The following FAM228B variants were observed in gnomAD, a reference collection of about 807,000 sequenced individuals.
FAM228B encodes the protein family with sequence similarity 228 member B, also known as protein FAM228B.
FAM228B carries 38 observed loss-of-function variants against 42.6 expected under a neutral mutation model. The ratio of observed to expected loss-of-function variants is 0.89; its 90% confidence interval spans 0.69 to 1.17. FAM228B has a LOEUF of 1.17. Among genes scored for constraint, FAM228B ranks in the 50% most tolerant of loss-of-function variants. The pLI is 0.00. For synonymous variants in FAM228B, 109 were observed against 122.3 expected (o/e 0.89, Z 0.72); for missense variants, 344 against 367.3 (o/e 0.94, Z 0.52).
chr2:24,090,492 G>C (rs1156639968), intron 2 of FAM228B, among the ~76,000 whole-genome samples: 1 of 149,674 alleles, frequency 6.7e-6, no homozygotes, highest in Non-Finnish European at 1.5e-5. Context: ...GCTGAGGCAG[G>C]AGGAGGTTGC....
chr2:24,149,883 C>T (rs1050183565), intron 7 of FAM228B, among the ~76,000 whole-genome samples: 7 of 152,056 alleles, frequency 4.6e-5, no homozygotes, highest in Non-Finnish European at 7.4e-5. Context: ...TTTTGATTTG[C>T]GGTTACCATG....
chr2:24,106,296 G>A (rs934240447), intron 3 of FAM228B, among the ~76,000 whole-genome samples: 1 of 151,278 alleles, frequency 6.6e-6, no homozygotes, highest in African/African-American at 2.4e-5. Context: ...AGAAGAGACT[G>A]GTGGCCTATA....
At chr2:24,116,538 G>C (rs975295591) in intron 3 of FAM228B, among the ~76,000 whole-genome samples, 3 of 151,906 alleles carry the variant, frequency 2.0e-5, no homozygotes, top group African/African-American at 7.2e-5. Flanking sequence ...AAGTCACAAC[G>C]TATGCTTAAG....
At chr2:24,130,279 A>G (rs1331177960) in intron 2 of FAM228B, among the ~76,000 whole-genome samples, 1 of 152,202 alleles carries the variant, frequency 6.6e-6, no homozygotes, top group East Asian at 1.9e-4. Context: ...ATACATGTGC[A>G]GATGTCTTTA....
At chr2:24,094,198 A>G (rs1212779773) in intron 2 of FAM228B, among the ~76,000 whole-genome samples, 1 of 151,780 alleles carries the variant, frequency 6.6e-6, no homozygotes, top group Non-Finnish European at 1.5e-5. Flanking sequence ...GAGTAGTCTC[A>G]TGTGCCTGGG....
chr2:24,144,889 G>T (rs931140648), intron 5 of FAM228B, among the ~76,000 whole-genome samples: 3 of 152,108 alleles, frequency 2.0e-5, no homozygotes, highest in Admixed American at 1.3e-4. Context: ...GGATTGCCCT[G>T]CCCCATCCAC....
chr2:24,148,072 T>C (rs1345123706), intron 7 of FAM228B, among the ~76,000 whole-genome samples: 3 of 152,148 alleles, frequency 2.0e-5, no homozygotes, highest in Non-Finnish European at 4.4e-5. Context: ...CTAGTTGGAA[T>C]TGAGTTGGGT....
chr2:24,130,138 T>A (rs2151015396), intron 2 of FAM228B, among the ~76,000 whole-genome samples: 1 of 152,356 alleles, frequency 6.6e-6, no homozygotes, highest in South Asian at 2.1e-4. Flanking sequence ...GCAAAGGACA[T>A]GATCTCATTC....
At chr2:24,114,548 G>A (rs1409673561) in intron 3 of FAM228B, among the ~76,000 whole-genome samples, 1 of 152,132 alleles carries the variant, frequency 6.6e-6, no homozygotes, top group East Asian at 1.9e-4. Context: ...TAACTAAGTA[G>A]TCATTATCGT....
At position 24,098,089 on chromosome 2, in the gene FAM228B, A is replaced by G. The variant is rs1459021160; in HGVS notation, c.-121+2860A>G. Among the ~76,000 whole-genome samples the G allele has an allele frequency of 2.0e-5, 3 of 152,220 alleles. No homozygotes were observed. In the South Asian group the frequency reaches 6.2e-4, roughly 32 times the overall value. On this transcript the variant is annotated intron_variant, in intron 3 of 10. Transcript: ENST00000613899. ...AAAGATGTTCTTTGAAACCAATGAG[A>G]ACAAAGACACAACGTACCAGAATCT...
At chr2:24,089,983 A>AAG (rs1665350015) in intron 2 of FAM228B, among the ~76,000 whole-genome samples, 1 of 149,652 alleles carries the variant, frequency 6.7e-6, no homozygotes, top group Non-Finnish European at 1.5e-5. Context: ...AAAGAAAAAA[A>AAG]AAAAAAAACG....
rs1664954700 is a variant in FAM228B at position 24,080,629 on chromosome 2, C to G, written c.-289-247C>G. On this transcript the variant is annotated intron_variant, in intron 1 of 10. Coordinates refer to the FAM228B transcript ENST00000613899. The surrounding 1 kb of genome is among the most constrained non-coding windows in gnomAD (Gnocchi z 4.7). ...TCTCTTGCAAGAATGCACATGGAAA[C>G]CATCTTAGATTTAAATATGACTGCC... 7.4e-6 allele frequency: 5 copies of G among 674,040 alleles called. No homozygotes were observed. The highest frequency in any genetic ancestry group is 1.8e-5 in the African/African-American group (1 of 55,596). The allele number at this position is 674,040 out of a possible 1,614,324, so 41.8% of individuals were successfully genotyped here. A position where few individuals can be genotyped will look rare whatever the true frequency, so the allele number is the denominator to read the frequency against.
intron 3 of FAM228B, among the ~76,000 whole-genome samples, chr2:24,112,097 T>C (rs1020488123): frequency 2.0e-5 from 3 of 152,104 alleles, no homozygotes; most frequent in Non-Finnish European, 4.4e-5. Flanking sequence ...AAGAACAATA[T>C]AATGTTTATA....
chr2:24,107,699 G>A (rs12465330), intron 3 of FAM228B, among the ~76,000 whole-genome samples: 18,243 of 151,992 alleles, frequency 0.12, 1,240 homozygotes, highest in South Asian at 0.18. Flanking sequence ...AACGAAATTA[G>A]GTCAGAAATA....
intron 9 of FAM228B, chr2:24,165,279 C>A: frequency 2.2e-6 from 1 of 446,136 alleles, no homozygotes; most frequent in South Asian, 1.6e-5. Flanking sequence ...CTCATGAGGC[C>A]AACTCAAGGC....
Position 24,106,469 on chromosome 2 carries a change from G to A in FAM228B, c.-121+11240G>A, listed in dbSNP as rs139034453. Among the ~76,000 whole-genome samples the A allele has an allele frequency of 7.2e-3, 1,086 of 151,692 alleles. 9 individuals carry two copies. The highest frequency in any genetic ancestry group is 0.025 in the African/African-American group (1,047 of 41,362). On this transcript the variant is annotated intron_variant, in intron 3 of 10. Transcript: ENST00000613899. ...CAAGTAGCAGGGATTACAGGCACCC[G>A]CCACTATGACCAGCTAATTTTTGTA...
chr2:24,079,510 CAG>C (rs761764557), intron 1 of FAM228B: 350 of 1,614,062 alleles, frequency 2.2e-4, no homozygotes, highest in Non-Finnish European at 2.8e-4. Flanking sequence ...GCTTTGAAAA[CAG>C]GGGCCCATTG....
At chr2:24,111,857 C>A (rs1573743335) in intron 3 of FAM228B, among the ~76,000 whole-genome samples, 1 of 148,974 alleles carries the variant, frequency 6.7e-6, no homozygotes, top group African/African-American at 2.4e-5. Flanking sequence ...CAACTCCCAT[C>A]TGCCAAAAAA....
At chr2:24,099,246 A>C (rs562883955) in intron 3 of FAM228B, among the ~76,000 whole-genome samples, 1 of 152,332 alleles carries the variant, frequency 6.6e-6, no homozygotes, top group East Asian at 1.9e-4. Flanking sequence ...ACTCCTACGC[A>C]ACATAGTGTT....
Sources: allele counts gnomAD v4.1 joint callset (sites outside exome capture counted in the v4.1 genomes callset), GRCh38; gene constraint gnomAD v4.1.1; non-coding constraint Gnocchi (gnomAD v3.1); transcripts MANE v1.5; gene names NCBI Gene and HGNC (gene_info 2026-07-23, HGNC 2026-07-21).